MAP4K4: variants seen among roughly 807,000 people sequenced by gnomAD.
The protein encoded by MAP4K4 is HPK/GCK-like kinase HGK.
Under a neutral mutation model 189.6 loss-of-function variants are expected in MAP4K4, and 38 were observed. The ratio of observed to expected loss-of-function variants is 0.20; its 90% CI spans 0.15 to 0.26. The LOEUF is 0.26. Among genes scored for constraint, MAP4K4 ranks in the 10% least tolerant of loss-of-function variants. MAP4K4 has a pLI of 1.00. For missense variants in MAP4K4, 1,054 were observed against 1,726.9 expected (o/e 0.61, Z 6.91); for synonymous variants, 610 against 624.3 (o/e 0.98, Z 0.34).
At chr2:101,829,542 G>C in exon 6 of MAP4K4, 1 of 1,611,978 alleles carries the variant, frequency 6.2e-7, no homozygotes, top group Admixed American at 1.7e-5. Context: ...TGATTCACCG[G>C]GATATCAAGG....
At position 101,789,841 on chromosome 2, in the gene MAP4K4, C is replaced by T. The variant is rs1177282267; in HGVS notation, c.124-879C>T. On this transcript the variant is annotated intron_variant, in intron 2 of 32. Coordinates refer to ENST00000324219, the Ensembl canonical transcript of MAP4K4. ...GTAACAAGACTGACAGTAATTAAAC[C>T]CAGTACTCCTCATCTGGGTGAAAGG... 2.0e-5 allele frequency among the ~76,000 whole-genome samples: 3 copies of T among 151,996 alleles called. No individual in the cohort carries two copies. The East Asian group carries it at 5.8e-4, about 29-fold the overall frequency.
chr2:101,792,525 AAAG>A (rs2093047864), intron 3 of MAP4K4, among the ~76,000 whole-genome samples: 1 of 152,128 alleles, frequency 6.6e-6, no homozygotes. Context: ...CACTGTAAAA[AAAG>A]AAGTGTAAAA....
At chr2:101,809,579 C>T (rs970420992) in intron 3 of MAP4K4, among the ~76,000 whole-genome samples, 4 of 152,140 alleles carry the variant, frequency 2.6e-5, no homozygotes, top group African/African-American at 9.7e-5. Context: ...TTAGAAAAGG[C>T]CTGATGACTT....
intron 2 of MAP4K4, among the ~76,000 whole-genome samples, chr2:101,735,221 C>T (rs1480180765): frequency 6.6e-6 from 1 of 152,074 alleles, no homozygotes; most frequent in East Asian, 1.9e-4. Flanking sequence ...CAGGAAGGTT[C>T]TGGTGCTAGG....
At position 101,736,761 on chromosome 2, in the gene MAP4K4, C is replaced by G. The variant is rs184221518; in HGVS notation, c.123+38223C>G. 4.9e-4 allele frequency among the ~76,000 whole-genome samples: 75 copies of G among 152,204 alleles called. No homozygotes were observed. The East Asian group carries it at 0.013, about 26-fold the overall frequency. The stretch of plus-strand genomic sequence containing the variant: ...GTGAGTAATTGTTGATTCTTCCTGC[C>G]AGAATGTAAGTTCTGGGTTGCAGAG... On this transcript the variant is annotated intron_variant, in intron 2 of 32. Coordinates refer to ENST00000324219, the Ensembl canonical transcript of MAP4K4.
At chr2:101,832,766 C>A (rs1385389088) in intron 7 of MAP4K4, among the ~76,000 whole-genome samples, 1 of 152,124 alleles carries the variant, frequency 6.6e-6, no homozygotes. Flanking sequence ...TATTTAGTCT[C>A]TTTTAATCTG....
At chr2:101,758,762 A>G (rs189425848) in intron 2 of MAP4K4, among the ~76,000 whole-genome samples, 144 of 152,328 alleles carry the variant, frequency 9.5e-4, no homozygotes, top group African/African-American at 3.4e-3. Context: ...ATTAGAAATA[A>G]TCACACTCAC....
At chr2:101,721,772 C>T (rs191633702) in intron 2 of MAP4K4, among the ~76,000 whole-genome samples, 193 of 152,246 alleles carry the variant, frequency 1.3e-3, no homozygotes, top group Middle Eastern at 0.01. Context: ...TTCGACCCAC[C>T]TGCTCAGAAG....
exon 19 of MAP4K4, chr2:101,866,449 G>T (rs1177429443): frequency 9.9e-6 from 16 of 1,613,296 alleles, no homozygotes; most frequent in Non-Finnish European, 1.4e-5. Flanking sequence ...CCAGGCTTCT[G>T]TGGGAGAGAG....
At chr2:101,760,522 A>G (rs28416387) in intron 2 of MAP4K4, among the ~76,000 whole-genome samples, 7 of 56,020 alleles carry the variant, frequency 1.2e-4, no homozygotes, top group African/African-American at 1.8e-4. Context: ...ATATATATAT[A>G]TGTATATATG....
At chr2:101,844,467 T>C (rs2097026414) in intron 12 of MAP4K4, among the ~76,000 whole-genome samples, 156 bp downstream of exon 12, 1 of 152,218 alleles carries the variant, frequency 6.6e-6, no homozygotes, top group African/African-American at 2.4e-5. Context: ...AAGCTTACGC[T>C]TTGGACTGGC....
At chr2:101,719,040 G>T (rs1222076143) in intron 2 of MAP4K4, among the ~76,000 whole-genome samples, 1 of 152,196 alleles carries the variant, frequency 6.6e-6, no homozygotes, top group African/African-American at 2.4e-5. Flanking sequence ...ACAACTTTCA[G>T]TTGGGACTGT....
At chr2:101,769,583 C>CT (rs1471374263) in intron 2 of MAP4K4, among the ~76,000 whole-genome samples, 5 of 151,544 alleles carry the variant, frequency 3.3e-5, no homozygotes, top group Non-Finnish European at 7.4e-5. Flanking sequence ...CCAGAAATGT[C>CT]TTTTTCTTTT....
chr2:101,797,044 C>A (rs1309809813), intron 3 of MAP4K4, among the ~76,000 whole-genome samples: 1 of 152,194 alleles, frequency 6.6e-6, no homozygotes, highest in Non-Finnish European at 1.5e-5. Flanking sequence ...TCAGGGAGTT[C>A]ATGCTCTGGT....
intron 18 of MAP4K4, among the ~76,000 whole-genome samples, 152 bp downstream of exon 18, chr2:101,865,188 C>A (rs763235408): frequency 1.1e-4 from 16 of 152,196 alleles, no homozygotes; most frequent in Admixed American, 3.3e-4. Context: ...AATCCATCAA[C>A]GTGGATGGCA....
At chr2:101,840,123 T>TG (rs1207999710) in intron 10 of MAP4K4, 129 bp downstream of exon 10, 1 of 839,436 alleles carries the variant, frequency 1.2e-6, no homozygotes. Context: ...TTTCTCTGCT[T>TG]GCGGTTCAGT....
At chr2:101,795,227 A>G (rs1276515320) in intron 3 of MAP4K4, among the ~76,000 whole-genome samples, 2 of 152,192 alleles carry the variant, frequency 1.3e-5, no homozygotes, top group South Asian at 2.1e-4. Flanking sequence ...CACTGTGTGA[A>G]TATTCTGTTC....
At chr2:101,768,699 A>G (rs542808882) in intron 2 of MAP4K4, among the ~76,000 whole-genome samples, 1 of 152,284 alleles carries the variant, frequency 6.6e-6, no homozygotes, top group Non-Finnish European at 1.5e-5. Flanking sequence ...TCCACAGAAA[A>G]GGGTGTTTCC....
rs57392183 is a variant in MAP4K4, at chr2:101,755,929, CTTTTTTTTTTTT to C, written c.124-34773_124-34762del. Among the ~76,000 whole-genome samples, 19 of 57,796 alleles carry C rather than the reference CTTTTTTTTTTTT, an allele frequency of 3.3e-4. No homozygotes were observed. The South Asian group carries it at 6.9e-3, about 21-fold the overall frequency. 37.9% of individuals were successfully genotyped at this position (57,796 alleles called of 152,430 possible). A position where few individuals can be genotyped will look rare whatever the true frequency, so the allele number is the denominator to read the frequency against. On this transcript the variant is annotated intron_variant, in intron 2 of 32. Transcript: ENST00000324219. ...TTTATTTATAGTATGAGTTCTTTTT[CTTTTTTTTTTTT>C]TTTTTTTTTTTTTTTTTGAGACAGC... is the stretch of plus-strand genomic sequence containing the variant.
Sources: allele counts gnomAD v4.1 joint callset (sites outside exome capture counted in the v4.1 genomes callset), GRCh38; gene constraint gnomAD v4.1.1; transcripts MANE v1.5; gene names NCBI Gene and HGNC (gene_info 2026-07-23, HGNC 2026-07-21).